Variants in SAMD12 observed in about 807,000 individuals in gnomAD.
SAMD12 encodes the protein sterile alpha motif domain-containing protein 12.
SAMD12 carries 9 observed loss-of-function variants against 15.0 expected under a neutral mutation model. That is an observed-to-expected ratio of 0.60 (90% CI 0.36 to 1.05). The LOEUF is 1.05. SAMD12 is among the 50% of genes least tolerant of loss of function. SAMD12 has a pLI of 0.01. For synonymous variants in SAMD12, 86 were observed against 90.1 expected, an observed-to-expected ratio of 0.96 and a Z score of 0.25; for missense variants, 230 against 234.2, an observed-to-expected ratio of 0.98 and a Z score of 0.12.
intron 4 of SAMD12, among the ~76,000 whole-genome samples, chr8:118,272,036 G>GT (rs1413533153): frequency 2.0e-5 from 3 of 152,236 alleles, no homozygotes; most frequent in African/African-American, 7.2e-5. Context: ...TGGGGACTCT[G>GT]TGTGGGGGCT....
intron 3 of SAMD12, among the ~76,000 whole-genome samples, chr8:118,398,938 C>G (rs1820729349): frequency 6.6e-6 from 1 of 152,094 alleles, no homozygotes; most frequent in African/African-American, 2.4e-5. Context: ...GGCTGGAGTA[C>G]AGTGGCACAA....
the SAMD12 span, among the ~76,000 whole-genome samples, chr8:118,164,421 T>C: frequency 1.3e-5 from 2 of 152,338 alleles, no homozygotes; most frequent in Admixed American, 1.3e-4. Context: ...CATCCAACAC[T>C]AGTGCTCTGT....
At chr8:118,352,405 T>C (rs1818001250) in intron 4 of SAMD12, among the ~76,000 whole-genome samples, 1 of 152,154 alleles carries the variant, frequency 6.6e-6, no homozygotes, top group African/African-American at 2.4e-5. Context: ...TGGATTGCTG[T>C]TTTAAAGATT....
chr8:118,166,857 T>C, the SAMD12 span, among the ~76,000 whole-genome samples: 2 of 152,168 alleles, frequency 1.3e-5, no homozygotes, highest in South Asian at 4.1e-4. Context: ...AAGCCCCTTA[T>C]GTATATCTGG....
chr8:118,588,327 G>T (rs973620626), intron 1 of SAMD12, among the ~76,000 whole-genome samples: 9 of 152,166 alleles, frequency 5.9e-5, no homozygotes, highest in African/African-American at 2.2e-4. Context: ...ATCTCCTTGG[G>T]CAAAGGAAAC....
chr8:118,436,086 G>A (rs1379569232), intron 3 of SAMD12, among the ~76,000 whole-genome samples: 1 of 152,184 alleles, frequency 6.6e-6, no homozygotes, highest in Non-Finnish European at 1.5e-5. Flanking sequence ...CAAAGAATTA[G>A]ATAACCCAAA....
intron 2 of SAMD12, among the ~76,000 whole-genome samples, chr8:118,576,231 GGCTA>G (rs1827148797): frequency 1.3e-5 from 2 of 152,114 alleles, no homozygotes; most frequent in Non-Finnish European, 2.9e-5. Flanking sequence ...CTTGAAATGT[GGCTA>G]GCATGACCAA....
chr8:118,441,840 C>T (rs956144474), intron 2 of SAMD12, among the ~76,000 whole-genome samples: 6 of 152,286 alleles, frequency 3.9e-5, no homozygotes, highest in East Asian at 1.9e-4. Flanking sequence ...GCCTGATTCA[C>T]TCTCTGGCAC....
chr8:118,580,330 A>G (rs947120199), intron 2 of SAMD12, among the ~76,000 whole-genome samples: 1 of 152,162 alleles, frequency 6.6e-6, no homozygotes, highest in Non-Finnish European at 1.5e-5. Context: ...TGATCTGCTC[A>G]ACCTGATGAG....
intron 4 of SAMD12, among the ~76,000 whole-genome samples, chr8:118,256,049 A>G (rs1003383221): frequency 7.2e-5 from 11 of 152,242 alleles, no homozygotes; most frequent in Admixed American, 5.2e-4. Flanking sequence ...TTGCCATTCT[A>G]ACTGGTGTGA....
At chr8:118,452,114 G>C (rs4876843) in intron 2 of SAMD12, among the ~76,000 whole-genome samples, 1 of 151,934 alleles carries the variant, frequency 6.6e-6, no homozygotes, top group African/African-American at 2.4e-5. Context: ...GGTGGCCTCT[G>C]TGCAAAAGAG....
At chr8:118,308,565 G>A (rs572207945) in intron 4 of SAMD12, among the ~76,000 whole-genome samples, 35 of 152,238 alleles carry the variant, frequency 2.3e-4, no homozygotes, top group African/African-American at 7.7e-4. Flanking sequence ...CCAGGCATCA[G>A]GGCCATCATC....
At chr8:118,366,759 C>A (rs1185815683) in intron 4 of SAMD12, among the ~76,000 whole-genome samples, 1 of 150,870 alleles carries the variant, frequency 6.6e-6, no homozygotes, top group African/African-American at 2.4e-5. Flanking sequence ...TTGCAGTGAA[C>A]CCAGATCGCG....
chr8:118,573,136 G>C (rs1037873838), intron 2 of SAMD12, among the ~76,000 whole-genome samples: 8 of 152,136 alleles, frequency 5.3e-5, no homozygotes, highest in Admixed American at 2.6e-4. Flanking sequence ...CCAGTCTGGA[G>C]TGCAATGGTG....
chr8:118,392,906 C>G (rs984195251), intron 3 of SAMD12, among the ~76,000 whole-genome samples: 7 of 152,076 alleles, frequency 4.6e-5, no homozygotes, highest in Admixed American at 4.6e-4. Flanking sequence ...GAGGGTGAAA[C>G]TACCCCTGGT....
intron 2 of SAMD12, among the ~76,000 whole-genome samples, chr8:118,550,669 C>T (rs1301723043): frequency 6.6e-6 from 1 of 151,894 alleles, no homozygotes; most frequent in South Asian, 2.1e-4. Flanking sequence ...TTCAAATTCA[C>T]ACATAACAAT....
intron 3 of SAMD12, among the ~76,000 whole-genome samples, chr8:118,388,742 T>C (rs1284924856): frequency 6.6e-6 from 1 of 152,170 alleles, no homozygotes; most frequent in East Asian, 1.9e-4. Flanking sequence ...GAAAGTTCTC[T>C]TTCTATCTTC....
intron 4 of SAMD12, among the ~76,000 whole-genome samples, chr8:118,339,053 C>G (rs1015190357): frequency 6.6e-5 from 10 of 152,162 alleles, no homozygotes; most frequent in Non-Finnish European, 1.3e-4. Flanking sequence ...GGGCCAGGCA[C>G]AGTGGCTCAC....
At chr8:118,419,805 A>G (rs763998921) in intron 3 of SAMD12, among the ~76,000 whole-genome samples, 2 of 152,200 alleles carry the variant, frequency 1.3e-5, no homozygotes, top group Non-Finnish European at 2.9e-5. Context: ...ATGCTTCACC[A>G]TCCCCTGAAA....
Sources: allele counts gnomAD v4.1 joint callset (sites outside exome capture counted in the v4.1 genomes callset), GRCh38; gene constraint gnomAD v4.1.1; transcripts MANE v1.5; gene names NCBI Gene and HGNC (gene_info 2026-07-23, HGNC 2026-07-21).